The following ITPR1 variants were observed in gnomAD, a reference collection of about 807,000 sequenced individuals.
ITPR1 encodes the protein inositol 1,4,5-trisphosphate-gated calcium channel ITPR1.
ITPR1 carries 96 observed loss-of-function variants against 318.4 expected under a neutral mutation model. The observed-to-expected ratio is 0.30, with a 90% confidence interval of 0.26 to 0.36. The LOEUF (loss-of-function observed/expected upper bound fraction) is 0.36. Ranked by LOEUF, ITPR1 falls within the 10% of genes least tolerant of loss-of-function variation. The pLI, the probability that ITPR1 is intolerant of heterozygous loss-of-function variation, is 1.00. For synonymous variants in ITPR1, 1,312 were observed against 1,289.9 expected (o/e 1.02, Z -0.37); for missense variants, 2,440 against 3,460.2 (o/e 0.71, Z 7.40).
At chr3:4,837,935 G>T (rs2051049346) in intron 61 of ITPR1, among the ~76,000 whole-genome samples, 1 of 152,188 alleles carries the variant, frequency 6.6e-6, no homozygotes, top group Admixed American at 6.5e-5. Flanking sequence ...GTGTTGCACA[G>T]CAATAGGCAT....
At chr3:4,762,885 A>G (rs1179982039) in intron 44 of ITPR1, among the ~76,000 whole-genome samples, 1 of 152,252 alleles carries the variant, frequency 6.6e-6, no homozygotes, top group Admixed American at 6.5e-5. Context: ...AGTTACATGC[A>G]TGCATATGTT....
At chr3:4,793,205 T>G (rs187000847) in intron 52 of ITPR1, among the ~76,000 whole-genome samples, 56 of 152,354 alleles carry the variant, frequency 3.7e-4, no homozygotes, top group Admixed American at 7.8e-4. Flanking sequence ...AAAATAAGAT[T>G]CATTTCATGA....
intron 55 of ITPR1, among the ~76,000 whole-genome samples, chr3:4,809,239 C>G (rs1004255237): frequency 3.6e-4 from 55 of 152,174 alleles, no homozygotes; most frequent in African/African-American, 1.2e-3. Context: ...TCAAATACTC[C>G]ATTTCCAAAA....
chr3:4,686,239 C>T (rs373819367), intron 30 of ITPR1, among the ~76,000 whole-genome samples: 11 of 152,264 alleles, frequency 7.2e-5, no homozygotes, highest in African/African-American at 2.2e-4. Flanking sequence ...CTATGCCTGT[C>T]GCCTTCTACT....
At chr3:4,630,496 C>G (rs960932735) in intron 5 of ITPR1, among the ~76,000 whole-genome samples, 3 of 150,714 alleles carry the variant, frequency 2.0e-5, no homozygotes, top group African/African-American at 7.3e-5. Context: ...ATAATCTATT[C>G]CTGCAATACA....
At chr3:4,533,599 A>T (rs2083598781) in intron 4 of ITPR1, among the ~76,000 whole-genome samples, 2 of 152,260 alleles carry the variant, frequency 1.3e-5, no homozygotes, top group South Asian at 4.1e-4. Context: ...AGGAAGCTCA[A>T]ACATGGCCTT....
At chr3:4,657,571 G>A (rs1280117684) in intron 12 of ITPR1, among the ~76,000 whole-genome samples, 1 of 151,682 alleles carries the variant, frequency 6.6e-6, no homozygotes, top group Non-Finnish European at 1.5e-5. Context: ...AGGTTCAAGT[G>A]ATTCTTCTGT....
At chr3:4,750,074 T>C (rs2044389603) in intron 44 of ITPR1, 1 of 152,668 alleles carries the variant, frequency 6.6e-6, no homozygotes, top group African/African-American at 2.4e-5. Context: ...CCAGTTACCT[T>C]TGAATATACC....
At chr3:4,546,821 GACATA>G (rs1037110108) in intron 4 of ITPR1, among the ~76,000 whole-genome samples, 75 of 140,436 alleles carry the variant, frequency 5.3e-4, no homozygotes, top group South Asian at 1.6e-3. Context: ...ATGAAATCTT[GACATA>G]CCACCCTGAA....
intron 44 of ITPR1, among the ~76,000 whole-genome samples, chr3:4,756,993 A>G (rs944005079): frequency 8.5e-5 from 13 of 152,252 alleles, no homozygotes; most frequent in Non-Finnish European, 1.9e-4. Flanking sequence ...GGTGGGCCCC[A>G]GCTTCCATGT....
intron 46 of ITPR1, among the ~76,000 whole-genome samples, chr3:4,774,663 C>T (rs1186958983): frequency 1.3e-5 from 2 of 152,334 alleles, no homozygotes; most frequent in Admixed American, 6.5e-5. Flanking sequence ...AACACCTGCT[C>T]AGGCACATGC....
intron 4 of ITPR1, among the ~76,000 whole-genome samples, chr3:4,608,654 C>A (rs1313188551): frequency 6.6e-6 from 1 of 151,948 alleles, no homozygotes. Flanking sequence ...TGCTGTTCAG[C>A]ATCTTACAAG....
chr3:4,830,500 G>A (rs566285922), intron 60 of ITPR1, among the ~76,000 whole-genome samples: 12 of 152,010 alleles, frequency 7.9e-5, no homozygotes, highest in South Asian at 4.2e-4. Context: ...TTTAAAGTCC[G>A]TTAAGTGTCC....
intron 4 of ITPR1, among the ~76,000 whole-genome samples, chr3:4,564,787 T>A (rs1400902254): frequency 6.6e-6 from 1 of 152,188 alleles, no homozygotes; most frequent in African/African-American, 2.4e-5. Context: ...TTTTTTAAGC[T>A]GCCTGAACTG....
At chr3:4,562,027 G>A (rs2086723865) in intron 4 of ITPR1, among the ~76,000 whole-genome samples, 2 of 151,756 alleles carry the variant, frequency 1.3e-5, no homozygotes. Flanking sequence ...CCTAGAAGAA[G>A]AATTAGAAGA....
intron 4 of ITPR1, among the ~76,000 whole-genome samples, chr3:4,547,679 T>A (rs2085156835): frequency 6.6e-6 from 1 of 152,114 alleles, no homozygotes. Flanking sequence ...CTGTTAGGAG[T>A]CTCGTAGGCA....
intron 4 of ITPR1, among the ~76,000 whole-genome samples, chr3:4,616,625 C>G (rs536506108): frequency 6.6e-6 from 1 of 152,236 alleles, no homozygotes; most frequent in African/African-American, 2.4e-5. Context: ...ACAATGGTAG[C>G]TCGTGGATTG....
intron 2 of ITPR1, among the ~76,000 whole-genome samples, chr3:4,502,621 A>G (rs558296178): frequency 6.6e-6 from 1 of 151,886 alleles, no homozygotes; most frequent in East Asian, 2.0e-4. Context: ...TTATATTTTT[A>G]GTAGAGATGG....
chr3:4,542,894 A>C (rs998190221), intron 4 of ITPR1, among the ~76,000 whole-genome samples: 2 of 152,156 alleles, frequency 1.3e-5, no homozygotes, highest in Non-Finnish European at 2.9e-5. Context: ...ATTCCCTTCT[A>C]TATAACTGCT....
Sources: gnomAD v4.1 joint callset for allele counts (sites outside exome capture counted in the v4.1 genomes callset) on GRCh38, gnomAD v4.1.1 for gene constraint, MANE v1.5 for transcripts, NCBI Gene and HGNC (gene_info 2026-07-23, HGNC 2026-07-21) for gene names.